EXOC6B: variants seen among roughly 807,000 people sequenced by gnomAD.
EXOC6B encodes SEC15 homolog B.
In EXOC6B, 54 loss-of-function variants were observed where a neutral mutation model predicts 113.5. The observed-to-expected ratio is 0.48, with a 90% CI of 0.38 to 0.60. The LOEUF (loss-of-function observed/expected upper bound fraction) is 0.60. EXOC6B is among the 20% of genes least tolerant of loss of function. The pLI is 0.00. For missense variants in EXOC6B, 797 were observed against 977.5 expected (o/e 0.82, Z 2.46); for synonymous variants, 357 against 339.0 (o/e 1.05, Z -0.58).
chr2:72,374,371 C>T (rs1354846361), intron 19 of EXOC6B, among the ~76,000 whole-genome samples: 3 of 152,118 alleles, frequency 2.0e-5, no homozygotes, highest in African/African-American at 7.2e-5. Flanking sequence ...AGAATGAAAT[C>T]CTGTCATTTG....
intron 8 of EXOC6B, among the ~76,000 whole-genome samples, chr2:72,517,255 A>T (rs1481671440): frequency 6.6e-6 from 1 of 152,236 alleles, no homozygotes; most frequent in Non-Finnish European, 1.5e-5. Flanking sequence ...AATTTTGCAC[A>T]GTTTTCACCT....
intron 19 of EXOC6B, among the ~76,000 whole-genome samples, chr2:72,351,498 C>A (rs1292437853): frequency 6.6e-6 from 1 of 152,196 alleles, no homozygotes; most frequent in African/African-American, 2.4e-5. Flanking sequence ...CTGGTTTACA[C>A]CACCCTACTT....
intron 6 of EXOC6B, among the ~76,000 whole-genome samples, chr2:72,593,870 C>T (rs1323619370): frequency 1.3e-5 from 2 of 152,118 alleles, no homozygotes; most frequent in East Asian, 3.8e-4. Flanking sequence ...ACTGAATAGC[C>T]TTGTATATAT....
In EXOC6B at chr2:72,277,140, C is replaced by G. The variant is rs532875336; in HGVS notation, c.2196+57807G>C. Among the ~76,000 whole-genome samples the G allele has an allele frequency of 3.9e-5, 6 of 152,252 alleles. No individual in the cohort carries two copies. In the South Asian group the frequency reaches 1.2e-3, roughly 32 times the overall value. On this transcript the variant is annotated intron_variant, in intron 20 of 21. Coordinates refer to ENST00000272427, the MANE Select transcript of EXOC6B (RefSeq NM_015189.3). ...CATAAAGCATTTAGTTAAGTGCCCT[C>G]CCATAAAAGACTGAATGTTTTGTTA...
intron 16 of EXOC6B, among the ~76,000 whole-genome samples, chr2:72,491,147 A>T (rs1699720456): frequency 6.6e-6 from 1 of 152,190 alleles, no homozygotes; most frequent in Admixed American, 6.5e-5. Flanking sequence ...ATAAAGGCAA[A>T]TGCCTAATAT....
At chr2:72,358,095 T>G (rs1463313536) in intron 19 of EXOC6B, among the ~76,000 whole-genome samples, 23 of 152,168 alleles carry the variant, frequency 1.5e-4, no homozygotes, top group Non-Finnish European at 2.6e-4. Context: ...GTAAGTCCCC[T>G]GGTAAACATG....
chr2:72,468,578 T>C (rs778783775), intron 17 of EXOC6B, among the ~76,000 whole-genome samples: 4 of 152,206 alleles, frequency 2.6e-5, no homozygotes, highest in African/African-American at 9.6e-5. Flanking sequence ...GGTAGACTGA[T>C]GCTTCCAGCT....
intron 6 of EXOC6B, among the ~76,000 whole-genome samples, chr2:72,627,659 G>T (rs1051379458): frequency 6.6e-6 from 1 of 152,206 alleles, no homozygotes; most frequent in African/African-American, 2.4e-5. Flanking sequence ...ACTTTATGGA[G>T]CCCTAGCAGA....
At chr2:72,567,612 TA>T (rs1704260891) in intron 7 of EXOC6B, among the ~76,000 whole-genome samples, 1 of 151,966 alleles carries the variant, frequency 6.6e-6, no homozygotes, top group Admixed American at 6.6e-5. Flanking sequence ...CATTCTCCAG[TA>T]AAAGAAATTA....
At chr2:72,338,609 G>C (rs1311262178) in intron 19 of EXOC6B, among the ~76,000 whole-genome samples, 1 of 151,992 alleles carries the variant, frequency 6.6e-6, no homozygotes. Flanking sequence ...TTGTAATTTT[G>C]TGACTCAGTA....
rs776397482 is a variant in EXOC6B, at chr2:72,268,575, C to T, written c.2196+66372G>A. ...GTTGCTTGTAAATACTAATTGATATCGTTTGGATGTGTATCCCCTCGGAAT... is the reference window on the plus strand; with the variant it reads ...GTTGCTTGTAAATACTAATTGATATTGTTTGGATGTGTATCCCCTCGGAAT... On this transcript the variant is annotated intron_variant, in intron 20 of 21. Transcript: ENST00000272427. 7.9e-4 allele frequency among the ~76,000 whole-genome samples: 120 copies of T among 152,176 alleles called. 1 individual carries two copies. The Middle Eastern group carries it at 0.014, about 17-fold the overall frequency.
At chr2:72,196,331 G>A (rs1487863437) in intron 20 of EXOC6B, among the ~76,000 whole-genome samples, 3 of 152,060 alleles carry the variant, frequency 2.0e-5, no homozygotes, top group African/African-American at 4.8e-5. Flanking sequence ...TTAAGGGATC[G>A]TAAAGCAGGT....
intron 18 of EXOC6B, among the ~76,000 whole-genome samples, chr2:72,415,119 T>C (rs910443996): frequency 3.9e-5 from 6 of 152,334 alleles, no homozygotes; most frequent in African/African-American, 1.4e-4. Flanking sequence ...TCAATTGCTA[T>C]AGCAACCCTG....
chr2:72,514,341 C>G (rs561049736), intron 10 of EXOC6B, among the ~76,000 whole-genome samples: 2 of 151,902 alleles, frequency 1.3e-5, no homozygotes, highest in African/African-American at 4.8e-5. Context: ...AACAAAGAAA[C>G]AAAACATCAA....
chr2:72,519,288 T>A (rs1701369993), intron 8 of EXOC6B, among the ~76,000 whole-genome samples: 1 of 152,182 alleles, frequency 6.6e-6, no homozygotes, highest in African/African-American at 2.4e-5. Flanking sequence ...CCACATTTTT[T>A]ACATTTTTGC....
At chr2:72,680,024 C>CT (rs1260940516) in intron 6 of EXOC6B, among the ~76,000 whole-genome samples, 3 of 151,982 alleles carry the variant, frequency 2.0e-5, no homozygotes, top group Non-Finnish European at 2.9e-5. Context: ...TAAGAGAATG[C>CT]TTTTTTCCTA....
At chr2:72,275,358 A>G (rs1172358142) in intron 20 of EXOC6B, among the ~76,000 whole-genome samples, 1 of 152,136 alleles carries the variant, frequency 6.6e-6, no homozygotes, top group Non-Finnish European at 1.5e-5. Flanking sequence ...TTGGAGTTCA[A>G]GCAACACTTC....
At chr2:72,492,664 G>GTTTTTTTTT (rs34091533) in intron 15 of EXOC6B, among the ~76,000 whole-genome samples, 3 of 149,612 alleles carry the variant, frequency 2.0e-5, no homozygotes, top group South Asian at 2.1e-4. Flanking sequence ...AATTCTGGCT[G>GTTTTTTTTT]TTTTTTTTTC....
chr2:72,496,709 C>A, intron 13 of EXOC6B, 150 bp from the exon 14 acceptor site: 1 of 647,982 alleles, frequency 1.5e-6, no homozygotes, highest in Non-Finnish European at 2.7e-6. Context: ...ATGAACATTT[C>A]CCAGTCCCTA....
Sources: gnomAD v4.1 joint callset for allele counts (sites outside exome capture counted in the v4.1 genomes callset) on GRCh38, gnomAD v4.1.1 for gene constraint, MANE v1.5 for transcripts, NCBI Gene and HGNC (gene_info 2026-07-23, HGNC 2026-07-21) for gene names.